CADM2: variants seen among roughly 807,000 people sequenced by gnomAD.
The protein encoded by CADM2 is immunoglobulin superfamily member 4D.
In CADM2, 12 loss-of-function variants were observed where a neutral mutation model predicts 49.8. The ratio of observed to expected loss-of-function variants is 0.24; its 90% CI spans 0.15 to 0.39. The LOEUF is 0.39. Among genes scored for constraint, CADM2 ranks in the 10% least tolerant of loss-of-function variants. CADM2 has a pLI of 1.00. For missense variants in CADM2, 378 were observed against 492.3 expected (o/e 0.77, Z 2.20); for synonymous variants, 214 against 175.4 (o/e 1.22, Z -1.74).
intron 3 of CADM2, among the ~76,000 whole-genome samples, chr3:85,817,758 A>G (rs1388510436): frequency 6.6e-6 from 1 of 152,080 alleles, no homozygotes; most frequent in Non-Finnish European, 1.5e-5. Context: ...GCTTGCAGTG[A>G]GCCGAGACTG....
At chr3:85,496,195 C>T (rs958856355) in intron 1 of CADM2, among the ~76,000 whole-genome samples, 1 of 152,044 alleles carries the variant, frequency 6.6e-6, no homozygotes, top group Non-Finnish European at 1.5e-5. Flanking sequence ...AGCTCTTTTC[C>T]TCTCTCCCTC....
At position 85,568,397 on chromosome 3, in the gene CADM2, C is replaced by CTCTTT. The variant is rs1553743549; in HGVS notation, c.62-158124_62-158120dup. On this transcript the variant is annotated intron_variant, in intron 1 of 9. Coordinates refer to ENST00000383699, the MANE Select transcript of CADM2 (RefSeq NM_001167675.2). ...GTTACCTACAATCTTTCCTTCCTCC[C>CTCTTT]TCTTTCTTTCTTTCTTTCTTTCTTT... 4.8e-3 allele frequency among the ~76,000 whole-genome samples: 249 copies of CTCTTT among 52,096 alleles called. 13 individuals carry two copies. Among genetic ancestry groups the CTCTTT allele is most frequent in the Middle Eastern group, 0.013 (1 of 76 alleles). 34.2% of individuals were successfully genotyped at this position (52,096 alleles called of 152,430 possible).
At chr3:85,641,841 G>T (rs551805834) in intron 1 of CADM2, among the ~76,000 whole-genome samples, 1 of 151,978 alleles carries the variant, frequency 6.6e-6, no homozygotes, top group Non-Finnish European at 1.5e-5. Context: ...TGAGGCAGAA[G>T]AATGGCGTGA....
intron 2 of CADM2, among the ~76,000 whole-genome samples, chr3:85,788,443 A>G (rs1447410916): frequency 6.6e-6 from 1 of 152,052 alleles, no homozygotes; most frequent in Non-Finnish European, 1.5e-5. Flanking sequence ...GCTATTTTAC[A>G]TAAATAACTT....
chr3:85,552,403 T>G (rs2061834437), intron 1 of CADM2, among the ~76,000 whole-genome samples: 1 of 127,492 alleles, frequency 7.8e-6, no homozygotes. Flanking sequence ...TTTTGAGACG[T>G]AGGTTTTGCT....
At chr3:85,464,891 C>CT (rs1665618015) in intron 1 of CADM2, among the ~76,000 whole-genome samples, 2 of 152,080 alleles carry the variant, frequency 1.3e-5, no homozygotes, top group African/African-American at 2.4e-5. Flanking sequence ...TGGCTCACGC[C>CT]GTAATCTCAG....
At position 86,066,332 on chromosome 3, in the gene CADM2, CAAAAAAAAAAAAAA is replaced by C. The variant is rs10663610; in HGVS notation, c.1097-320_1097-307del. 4.9e-4 allele frequency among the ~76,000 whole-genome samples: 15 copies of C among 30,362 alleles called. 2 individuals carry two copies. Among genetic ancestry groups the C allele is most frequent in the African/African-American group, 3.0e-3 (14 of 4,676 alleles). The allele number at this position is 30,362 out of a possible 152,430, so 19.9% of individuals were successfully genotyped here. On this transcript the variant is annotated intron_variant, in intron 9 of 9. Transcript: ENST00000383699. ...TGGGCGAGAGAGCGAGACTCCGTCT[CAAAAAAAAAAAAAA>C]AAAAAAAAAAAAGATCTTAACAAAA... is the stretch of plus-strand genomic sequence containing the variant.
At chr3:85,066,916 A>G (rs2036547281) in intron 1 of CADM2, among the ~76,000 whole-genome samples, 1 of 152,010 alleles carries the variant, frequency 6.6e-6, no homozygotes. Flanking sequence ...CTTGTTTATT[A>G]TCTCTTATCC....
chr3:85,122,101 A>G (rs1285083465), intron 1 of CADM2, among the ~76,000 whole-genome samples: 1 of 151,728 alleles, frequency 6.6e-6, no homozygotes, highest in Non-Finnish European at 1.5e-5. Context: ...TAACTCCTTC[A>G]GTCACCTCTC....
chr3:85,050,186 A>G (rs1406023369), intron 1 of CADM2, among the ~76,000 whole-genome samples: 5 of 152,138 alleles, frequency 3.3e-5, no homozygotes, highest in South Asian at 2.1e-4. Flanking sequence ...CTGGTCTCCA[A>G]TAACTCCTGT....
At chr3:85,386,945 A>G (rs1431235181) in intron 1 of CADM2, among the ~76,000 whole-genome samples, 2 of 152,140 alleles carry the variant, frequency 1.3e-5, no homozygotes, top group South Asian at 2.1e-4. Flanking sequence ...AGTATGTTGT[A>G]TCTTTATTTA....
At chr3:85,012,973 T>A (rs1053388867) in intron 1 of CADM2, among the ~76,000 whole-genome samples, 1 of 151,768 alleles carries the variant, frequency 6.6e-6, no homozygotes, top group Admixed American at 6.6e-5. Flanking sequence ...ATCAAAAAAG[T>A]CAAAATTAAA....
chr3:86,024,295 T>G (rs964809396), intron 8 of CADM2, among the ~76,000 whole-genome samples: 1 of 152,246 alleles, frequency 6.6e-6, no homozygotes, highest in African/African-American at 2.4e-5. Flanking sequence ...AATTTTATCA[T>G]TTCAATGTAT....
intron 8 of CADM2, among the ~76,000 whole-genome samples, chr3:85,964,795 G>T (rs1725273956): frequency 6.6e-6 from 1 of 151,742 alleles, no homozygotes; most frequent in Admixed American, 6.6e-5. Flanking sequence ...AAATTTATCT[G>T]TTAAATTGGT....
chr3:85,491,487 GT>G (rs936894922), intron 1 of CADM2, among the ~76,000 whole-genome samples: 10 of 152,192 alleles, frequency 6.6e-5, no homozygotes, highest in African/African-American at 9.6e-5. Flanking sequence ...AAGAACTAGA[GT>G]TATCACATCA....
chr3:85,026,661 A>G (rs2034742155), intron 1 of CADM2, among the ~76,000 whole-genome samples: 1 of 152,152 alleles, frequency 6.6e-6, no homozygotes, highest in Non-Finnish European at 1.5e-5. Context: ...TTCTATCTGT[A>G]CCCCAAAAGC....
At chr3:85,972,683 G>T (rs993265295) in intron 8 of CADM2, among the ~76,000 whole-genome samples, 9 of 151,796 alleles carry the variant, frequency 5.9e-5, no homozygotes, top group African/African-American at 2.2e-4. Flanking sequence ...AGAAATTATT[G>T]TACACTGCAT....
At chr3:85,952,504 A>C (rs1166506936) in intron 7 of CADM2, among the ~76,000 whole-genome samples, 3 of 150,882 alleles carry the variant, frequency 2.0e-5, no homozygotes, top group African/African-American at 7.3e-5. Context: ...TTCTTGTAAC[A>C]CTTGAATTCA....
intron 1 of CADM2, among the ~76,000 whole-genome samples, chr3:85,410,212 A>C (rs2035592101): frequency 6.6e-6 from 1 of 152,210 alleles, no homozygotes; most frequent in Non-Finnish European, 1.5e-5. Flanking sequence ...ATTCATATGC[A>C]TATCGCCACT....
Sources: allele counts gnomAD v4.1 joint callset (sites outside exome capture counted in the v4.1 genomes callset), GRCh38; gene constraint gnomAD v4.1.1; transcripts MANE v1.5; gene names NCBI Gene and HGNC (gene_info 2026-07-23, HGNC 2026-07-21).